The following FNDC3B variants were observed in gnomAD, a reference collection of about 807,000 sequenced individuals.
FNDC3B encodes fibronectin type III domain containing 3B.
A neutral mutation model predicts 151.5 loss-of-function variants in FNDC3B; 12 were observed. The ratio of observed to expected loss-of-function variants is 0.08; its 90% CI spans 0.05 to 0.13. The LOEUF (loss-of-function observed/expected upper bound fraction) is 0.13. FNDC3B is among the 10% of genes least tolerant of loss of function. The pLI is 1.00. For synonymous variants in FNDC3B, 528 were observed against 549.0 expected (o/e 0.96, Z 0.54); for missense variants, 1,214 against 1,505.3 (o/e 0.81, Z 3.20).
chr3:172,362,482 A>G (rs1357397202), intron 22 of FNDC3B, 151 bp from the exon 23 acceptor site: 3 of 663,582 alleles, frequency 4.5e-6, no homozygotes, highest in African/African-American at 1.8e-5. Context: ...CCGTGCTTCT[A>G]TTTGTCTTGA....
At chr3:172,282,780 T>C (rs1729806153) in intron 6 of FNDC3B, among the ~76,000 whole-genome samples, 1 of 152,218 alleles carries the variant, frequency 6.6e-6, no homozygotes, top group Non-Finnish European at 1.5e-5. Flanking sequence ...AGATCTCTAT[T>C]AACTCTTCAT....
intron 1 of FNDC3B, among the ~76,000 whole-genome samples, chr3:172,101,746 T>G (rs11925898): frequency 0.083 from 12,710 of 152,256 alleles, 1,777 homozygotes; most frequent in African/African-American, 0.29. Flanking sequence ...CACATTTCAT[T>G]AAAATCACCA....
At chr3:172,142,356 G>T (rs977833112) in intron 3 of FNDC3B, among the ~76,000 whole-genome samples, 1 of 152,114 alleles carries the variant, frequency 6.6e-6, no homozygotes, top group Non-Finnish European at 1.5e-5. Flanking sequence ...TTATGCAATC[G>T]CAGTTTAACT....
At chr3:172,347,047 G>T (rs1048290011) in intron 20 of FNDC3B, among the ~76,000 whole-genome samples, 165 bp from the exon 21 acceptor site, 1 of 152,088 alleles carries the variant, frequency 6.6e-6, no homozygotes, top group Admixed American at 6.6e-5. Context: ...AAATTTTGTG[G>T]GTACATAGTA....
At chr3:172,295,579 TGGAAAACAAA>T in intron 8 of FNDC3B, 65 bp downstream of exon 8, 5 of 1,528,278 alleles carry the variant, frequency 3.3e-6, no homozygotes, top group African/African-American at 1.4e-5. Flanking sequence ...TGAAGGAAAA[TGGAAAACAAA>T]GGAAAACCTT....
intron 11 of FNDC3B, among the ~76,000 whole-genome samples, chr3:172,313,798 G>A (rs1731641988): frequency 1.3e-5 from 2 of 152,278 alleles, no homozygotes; most frequent in Admixed American, 6.5e-5. Flanking sequence ...TCCTGGCAAT[G>A]AGAATTCAAG....
intron 6 of FNDC3B, among the ~76,000 whole-genome samples, chr3:172,268,920 CT>C (rs1451174254): frequency 1.3e-5 from 2 of 152,174 alleles, no homozygotes; most frequent in Admixed American, 6.5e-5. Context: ...AAATAAAGGA[CT>C]TTGGGAAAAA....
At chr3:172,264,946 T>C (rs780439551) in intron 6 of FNDC3B, among the ~76,000 whole-genome samples, 3 of 152,212 alleles carry the variant, frequency 2.0e-5, no homozygotes, top group Non-Finnish European at 2.9e-5. Flanking sequence ...CTTCCTTTTG[T>C]CCATTTTTAT....
intron 3 of FNDC3B, among the ~76,000 whole-genome samples, chr3:172,178,158 G>A (rs1377629734): frequency 6.6e-6 from 1 of 152,102 alleles, no homozygotes. Flanking sequence ...TGGGTCTGAA[G>A]CCCAAGCTCT....
rs572624712 is a variant in FNDC3B at position 172,228,025 on chromosome 3, A to G, written c.264+1078A>G. ...AAGTGTAAGGCATATTGCAGCCACTATAATTTCATTTTTTTCCATCCTTTT... is the reference window on the plus strand; with the variant it reads ...AAGTGTAAGGCATATTGCAGCCACTGTAATTTCATTTTTTTCCATCCTTTT... On this transcript the variant is annotated intron_variant, in intron 4 of 25. Transcript: ENST00000415807. 4.6e-5 allele frequency among the ~76,000 whole-genome samples: 7 copies of G among 152,300 alleles called. No individual in the cohort carries two copies. In the South Asian group the frequency reaches 1.5e-3, roughly 32 times the overall value.
At position 172,381,112 on chromosome 3, in the gene FNDC3B, G is replaced by T. The variant is rs74598036; in HGVS notation, c.3303+19G>T. On this transcript the variant is annotated intron_variant, in intron 25 of 25. Coordinates refer to ENST00000415807, the MANE Select transcript of FNDC3B (RefSeq NM_022763.4). The stretch of plus-strand genomic sequence containing the variant: ...CAAACAGGTAAGAACCAGTGTGCAT[G>T]GCACATGTGCAACTGAGTATGGCTG... The T allele has an allele frequency of 0.029, 47,249 of 1,612,206 alleles. 820 individuals are homozygous for T. Among genetic ancestry groups the T allele is most frequent in the Non-Finnish European group, 0.034 (39,882 of 1,178,758 alleles).
At chr3:172,228,628 C>T (rs756383902) in intron 4 of FNDC3B, among the ~76,000 whole-genome samples, 5 of 152,186 alleles carry the variant, frequency 3.3e-5, no homozygotes, top group Non-Finnish European at 5.9e-5. Flanking sequence ...GCTGTACACT[C>T]GCTTGTATGA....
intron 2 of FNDC3B, among the ~76,000 whole-genome samples, chr3:172,117,833 A>T (rs1426889722): frequency 6.6e-6 from 1 of 152,190 alleles, no homozygotes; most frequent in Non-Finnish European, 1.5e-5. Context: ...TAATTCTTCT[A>T]TTCTTCTAGA....
rs554016987 is a variant in FNDC3B at position 172,292,984 on chromosome 3, C to T, written c.850-2379C>T. Among the ~76,000 whole-genome samples the T allele has an allele frequency of 1.2e-4, 19 of 152,290 alleles. No homozygotes were observed. The Middle Eastern group carries it at 0.014, about 109-fold the overall frequency. On this transcript the variant is annotated intron_variant, in intron 7 of 25. Coordinates refer to ENST00000415807, the MANE Select transcript of FNDC3B (RefSeq NM_022763.4). ...GAGTGGTTGAATCTGACAGTGCAGA[C>T]GGTACAGGAACCTGTCCAGAATCAG...
chr3:172,392,815 T>TTTTTTTTC lies in FNDC3B; in HGVS notation c.3304-4348_3304-4341dup, dbSNP rs1418060006. Among the ~76,000 whole-genome samples the TTTTTTTTC allele has an allele frequency of 1.8e-4, 26 of 140,576 alleles. No homozygotes were observed. The East Asian group carries it at 4.8e-3, about 26-fold the overall frequency. The allele number at this position is 140,576 out of a possible 152,430, so 92.2% of individuals were successfully genotyped here. A position where few individuals can be genotyped will look rare whatever the true frequency, so the allele number is the denominator to read the frequency against. The stretch of plus-strand genomic sequence containing the variant: ...AATTTTTTCTTTTTTTTTTTCTTTT[T>TTTTTTTTC]TTTTTTTCAGACAGAGAGTATTGCT... On this transcript the variant is annotated intron_variant, in intron 25 of 25. Coordinates refer to ENST00000415807, the MANE Select transcript of FNDC3B (RefSeq NM_022763.4).
intron 1 of FNDC3B, among the ~76,000 whole-genome samples, chr3:172,105,819 G>A (rs1481059873): frequency 6.6e-6 from 1 of 152,118 alleles, no homozygotes; most frequent in African/African-American, 2.4e-5. Context: ...ACTATTAGAG[G>A]TCAGTGGGTA....
chr3:172,332,624 A>G (rs1030529154), intron 13 of FNDC3B, among the ~76,000 whole-genome samples: 1 of 152,170 alleles, frequency 6.6e-6, no homozygotes, highest in African/African-American at 2.4e-5. Context: ...CCTGAGTTCA[A>G]CTTTTAGTGG....
chr3:172,138,674 G>A (rs867264408), intron 3 of FNDC3B, among the ~76,000 whole-genome samples: 6 of 152,298 alleles, frequency 3.9e-5, no homozygotes, highest in African/African-American at 1.2e-4. Flanking sequence ...TTCTTAGGAA[G>A]CACCATTATG....
Position 172,344,196 on chromosome 3 carries a change from G to A in FNDC3B, c.2188G>A (p.Val730Ile), listed in dbSNP as rs138991587. The change falls in exon 19 of 26, where the codon GTC becomes ATC. Residue 730 changes from valine to isoleucine, a missense_variant. By Grantham distance (29) the Val-to-Ile change is conservative. This residue lies in a region of FNDC3B where 380 missense variants were observed against 420.9 expected (regional missense o/e 0.90). Transcript: ENST00000415807. Reference sequence around the variant, plus strand: ...CCATGGCCCAGAGCTGGAGTGCACCGTCGGCAACCTGCTTCCTGGAACCGT... The same window carrying A: ...CCATGGCCCAGAGCTGGAGTGCACCATCGGCAACCTGCTTCCTGGAACCGT... ...VYHGPELECT[V>I]GNLLPGTVYR... 1.3e-4 allele frequency: 208 copies of A among 1,614,108 alleles called. No homozygotes were observed. Among genetic ancestry groups the A allele is most frequent in the East Asian group, 5.1e-4 (23 of 44,886 alleles).
Sources: allele counts gnomAD v4.1 joint callset (sites outside exome capture counted in the v4.1 genomes callset), GRCh38; gene constraint gnomAD v4.1.1; regional missense constraint gnomAD v4.1.1; transcripts MANE v1.5; gene names NCBI Gene and HGNC (gene_info 2026-07-23, HGNC 2026-07-21).